BRD4: variants seen among roughly 807,000 people sequenced by gnomAD.
BRD4 encodes the protein bromodomain containing 4, also known as bromodomain-containing protein 4.
BRD4 carries 16 observed loss-of-function variants against 142.1 expected under a neutral mutation model. The ratio of observed to expected loss-of-function variants is 0.11; its 90% CI spans 0.08 to 0.17. BRD4 has a LOEUF of 0.17. BRD4 is among the 10% of genes least tolerant of loss of function. The pLI is 1.00. For synonymous variants in BRD4, 833 were observed against 707.5 expected (o/e 1.18, Z -2.82); for missense variants, 1,424 against 1,810.9 (o/e 0.79, Z 3.88).
chr19:15,261,007 T>G (rs560330519), intron 7 of BRD4, among the ~76,000 whole-genome samples: 1 of 152,296 alleles, frequency 6.6e-6, no homozygotes, highest in East Asian at 1.9e-4. Context: ...GGAAGAGAAT[T>G]TGTTTCTGCT....
intron 7 of BRD4, among the ~76,000 whole-genome samples, chr19:15,262,041 C>T (rs2047476953): frequency 6.6e-6 from 1 of 152,200 alleles, no homozygotes; most frequent in African/African-American, 2.4e-5. Flanking sequence ...GAGCACATGT[C>T]CTCTGAACCC....
chr19:15,253,044 C>T (rs2047364422), intron 11 of BRD4: 3 of 238,086 alleles, frequency 1.3e-5, no homozygotes, highest in Admixed American at 5.3e-5. Flanking sequence ...AGGGATGGGA[C>T]AGGCCCGTGG....
At chr19:15,298,614 C>T (rs2047842555) in intron 1 of BRD4, among the ~76,000 whole-genome samples, 2 of 99,136 alleles carry the variant, frequency 2.0e-5, no homozygotes, top group Admixed American at 2.4e-4. Context: ...GGGCGAGACT[C>T]CAACTCAAAA....
At chr19:15,254,995 C>T (rs971600151) in intron 10 of BRD4, among the ~76,000 whole-genome samples, 3 of 152,062 alleles carry the variant, frequency 2.0e-5, no homozygotes, top group African/African-American at 4.8e-5. Flanking sequence ...CCAAAGAGGC[C>T]GGAGGAAGAC....
In BRD4 at chr19:15,237,598, A is replaced by G; in HGVS notation, c.*779T>C. On this transcript the variant is annotated 3_prime_UTR_variant, in exon 20 of 20. Coordinates refer to ENST00000679869, the MANE Select transcript of BRD4 (RefSeq NM_001379291.1). Reference sequence around the variant, plus strand: ...GAGAAGAGAGAATTAAAAATAAAATAGAATTCAACAAAAAATATATATAGA... The same window carrying G: ...GAGAAGAGAGAATTAAAAATAAAATGGAATTCAACAAAAAATATATATAGA... 4.4e-6 allele frequency: 1 copy of G among 226,760 alleles called. No individual in the cohort carries two copies. The highest frequency in any genetic ancestry group is 6.3e-5 in the East Asian group (1 of 15,970). The allele number at this position is 226,760 out of a possible 1,614,324, so 14.0% of individuals were successfully genotyped here.
At chr19:15,312,059 T>C (rs780827317) in intron 1 of BRD4, among the ~76,000 whole-genome samples, 1 of 152,226 alleles carries the variant, frequency 6.6e-6, no homozygotes, top group Non-Finnish European at 1.5e-5. Context: ...TTTTATGTTT[T>C]GAAACACATG....
At chr19:15,254,076 TG>T in intron 11 of BRD4, 75 bp downstream of exon 11, 1 of 1,282,838 alleles carries the variant, frequency 7.8e-7, no homozygotes, top group Non-Finnish European at 1.1e-6. Flanking sequence ...TCTAGCATCC[TG>T]GACACAGGAC....
intron 1 of BRD4, among the ~76,000 whole-genome samples, chr19:15,325,997 C>CAAAAAAAA (rs35801340): frequency 1.1e-3 from 53 of 50,370 alleles, no homozygotes; most frequent in Non-Finnish European, 1.3e-3. Context: ...GACTCCGTCT[C>CAAAAAAAA]AAAAAAAAAA....
intron 1 of BRD4, among the ~76,000 whole-genome samples, chr19:15,284,516 T>C (rs985192715): frequency 1.3e-5 from 2 of 152,166 alleles, no homozygotes; most frequent in African/African-American, 4.8e-5. Context: ...ACAGAAGCCT[T>C]TGATGGTCAA....
rs904334099 is a variant in BRD4 at position 15,263,351 on chromosome 19, A to C, written c.1341+69T>G. On this transcript the variant is annotated intron_variant, in intron 7 of 19. Transcript: ENST00000679869. ...AGAAAAAAAAACTCTGCCAAGGCCC[A>C]CAGAAGTCTGCTCCCACGAGGACCT... 5 of 1,554,166 alleles carry C rather than the reference A, an allele frequency of 3.2e-6. No homozygotes were observed. In the African/African-American group the frequency reaches 6.9e-5, roughly 21 times the overall value.
At chr19:15,327,952 T>G (rs2048124293) in intron 1 of BRD4, among the ~76,000 whole-genome samples, 1 of 140,266 alleles carries the variant, frequency 7.1e-6, no homozygotes, top group Non-Finnish European at 1.5e-5. Flanking sequence ...TAAAATTGGT[T>G]GCAGTGATGG....
At chr19:15,247,786 A>T in intron 11 of BRD4, 2 of 232,828 alleles carry the variant, frequency 8.6e-6, no homozygotes, top group Non-Finnish European at 1.7e-5. Context: ...AGCTGAGAAT[A>T]GTTTGTTTGG....
chr19:15,265,546 C>T lies in BRD4; in HGVS notation c.657G>A (p.Gln219=). 6.2e-7 allele frequency: 1 copy of T among 1,614,024 alleles called. No homozygotes were observed. The highest frequency in any genetic ancestry group is 8.5e-7 in the Non-Finnish European group (1 of 1,180,006). ...CGGCAGGGAAGGGGTGAGGCGTGGC[C>T]TGCACAGGAGGAGGATTCGGCTGAG... The part of the protein sequence containing the change: ...QTPQPNPPPV[Q]ATPHPFPAVT... The change falls in exon 5 of 20, where the codon CAG becomes CAA. Residue 219 remains glutamine, a synonymous_variant. Transcript: ENST00000679869.
In BRD4 at chr19:15,268,947, C is replaced by G; in HGVS notation, c.381G>C (p.Gln127His). The change falls in exon 3 of 20, where the codon CAG becomes CAC. Residue 127 changes from glutamine to histidine, a missense_variant. Gln to His is a conservative substitution (Grantham distance 24, BLOSUM62 0). This residue lies in a region of BRD4 where 55 missense variants were observed against 160.7 expected (regional missense o/e 0.34). Coordinates refer to ENST00000679869, the MANE Select transcript of BRD4 (RefSeq NM_001379291.1). ...AATTTGTAAACATAGTGTTGAAGTC[C>G]TGGATACATTCCTGAGCATTCCAGT... ...NYYWNAQECI[Q>H]DFNTMFTNCY... The G allele has an allele frequency of 6.2e-7, 1 of 1,614,206 alleles. No individual in the cohort carries two copies. The highest frequency in any genetic ancestry group is 1.1e-5 in the South Asian group (1 of 91,086).
intron 1 of BRD4, among the ~76,000 whole-genome samples, chr19:15,328,366 T>C (rs1298370644): frequency 6.6e-6 from 1 of 152,174 alleles, no homozygotes; most frequent in African/African-American, 2.4e-5. Flanking sequence ...CCACTTCATA[T>C]CCCTCTTGAA....
chr19:15,245,337 C>T (rs1196671243), intron 11 of BRD4, among the ~76,000 whole-genome samples: 9 of 151,620 alleles, frequency 5.9e-5, no homozygotes, highest in African/African-American at 1.5e-4. Context: ...AGCCACAGGA[C>T]GGTGAGGAAC....
At chr19:15,260,227 C>G (rs542219558) in intron 7 of BRD4, among the ~76,000 whole-genome samples, 1 of 152,296 alleles carries the variant, frequency 6.6e-6, no homozygotes, top group Admixed American at 6.5e-5. Context: ...TTTAGAGGCT[C>G]AGAGAGAAAA....
Position 15,262,687 on chromosome 19 carries a change from C to T in BRD4, c.1341+733G>A, listed in dbSNP as rs138273271. ...GCCGTGAGCTATGACTGTGCCACTA[C>T]ACTCCAGCCTGGGTGACAGAACGAG... is the stretch of plus-strand genomic sequence containing the variant. On this transcript the variant is annotated intron_variant, in intron 7 of 19. Coordinates refer to ENST00000679869, the MANE Select transcript of BRD4 (RefSeq NM_001379291.1). 4.7e-3 allele frequency among the ~76,000 whole-genome samples: 710 copies of T among 152,132 alleles called. 6 individuals are homozygous for T. The highest frequency in any genetic ancestry group is 0.016 in the African/African-American group (683 of 41,508).
intron 11 of BRD4, among the ~76,000 whole-genome samples, chr19:15,252,004 G>A (rs891230549): frequency 3.9e-5 from 6 of 152,356 alleles, no homozygotes; most frequent in South Asian, 2.1e-4. Flanking sequence ...CCTCCTTCCC[G>A]CCAGGACAGC....
Sources: allele counts gnomAD v4.1 joint callset (sites outside exome capture counted in the v4.1 genomes callset), GRCh38; gene constraint gnomAD v4.1.1; regional missense constraint gnomAD v4.1.1; transcripts MANE v1.5; gene names NCBI Gene and HGNC (gene_info 2026-07-23, HGNC 2026-07-21).